The following ARMC9 variants were observed in gnomAD, a reference collection of about 807,000 sequenced individuals.
ARMC9 encodes armadillo repeat containing 9.
Under a neutral mutation model 107.0 loss-of-function variants are expected in ARMC9, and 94 were observed. The observed-to-expected ratio is 0.88, with a 90% CI of 0.74 to 1.04. The LOEUF (loss-of-function observed/expected upper bound fraction) is 1.04, where lower values mean the gene tolerates loss of function less well. Among genes scored for constraint, ARMC9 ranks in the 50% least tolerant of loss-of-function variants. ARMC9 has a pLI of 0.00. For missense variants in ARMC9, 942 were observed against 1,030.1 expected (o/e 0.91, Z 1.17); for synonymous variants, 380 against 396.9 (o/e 0.96, Z 0.51).
chr2:231,323,428 C>T (rs550065965), intron 19 of ARMC9, among the ~76,000 whole-genome samples: 58 of 152,312 alleles, frequency 3.8e-4, no homozygotes, highest in Non-Finnish European at 7.5e-4. Flanking sequence ...CATTTCCCAC[C>T]GCAGGTAGTG....
intron 20 of ARMC9, among the ~76,000 whole-genome samples, chr2:231,341,830 TA>T (rs766614226): frequency 1.3e-4 from 20 of 152,238 alleles, no homozygotes; most frequent in Non-Finnish European, 2.6e-4. Flanking sequence ...TTCAGCTAAA[TA>T]ATATGCTCTT....
intron 14 of ARMC9, among the ~76,000 whole-genome samples, chr2:231,273,710 C>T (rs1290039324): frequency 2.0e-5 from 3 of 152,296 alleles, no homozygotes; most frequent in African/African-American, 4.8e-5. Flanking sequence ...TCACCGCACC[C>T]GGCCCCGTAG....
intron 12 of ARMC9, chr2:231,270,404 C>T (rs551761097): frequency 2.9e-5 from 10 of 348,714 alleles, no homozygotes; most frequent in African/African-American, 6.4e-5. Context: ...TTAATTCATT[C>T]GTCTTTATTT....
chr2:231,257,769 A>G (rs9679430), intron 10 of ARMC9, among the ~76,000 whole-genome samples: 79,142 of 151,986 alleles, frequency 0.52, 24,130 homozygotes, highest in African/African-American at 0.85. Context: ...AGCATTTGGC[A>G]TAATACTGTA....
In ARMC9 at chr2:231,360,769, A is replaced by C; in HGVS notation, c.2147A>C (p.Lys716Thr). The change falls in exon 23 of 25, where the codon AAG becomes ACG. Residue 716 changes from lysine to threonine, a missense_variant. Lys to Thr is a moderately conservative substitution (Grantham distance 78). Coordinates refer to ENST00000611582, the MANE Select transcript of ARMC9 (RefSeq NM_001352754.2). The surrounding 1 kb of genome is among the most constrained non-coding windows in gnomAD (Gnocchi z 4.7). ...TCCTCCCCAGCAGCCATCATCGCCA[A>C]GCCAGGAGAGTGGCTCCCAAGAGGA... The part of the protein sequence containing the change: ...CVSSSSAIIA[K>T]PGEWLPRGRQ... 1 of 1,536,182 alleles carries C rather than the reference A, an allele frequency of 6.5e-7. No homozygotes were observed. The highest frequency in any genetic ancestry group is 1.2e-5 in the South Asian group (1 of 84,062).
intron 8 of ARMC9, among the ~76,000 whole-genome samples, chr2:231,235,976 G>A (rs933293412): frequency 9.2e-5 from 14 of 152,242 alleles, no homozygotes; most frequent in African/African-American, 2.9e-4. Flanking sequence ...ATATTGAGAC[G>A]GGGTCTTGCT....
chr2:231,338,990 T>A (rs1386172676), intron 20 of ARMC9, among the ~76,000 whole-genome samples: 1 of 152,222 alleles, frequency 6.6e-6, no homozygotes, highest in Non-Finnish European at 1.5e-5. Flanking sequence ...TGTTTTGGCC[T>A]CACATTTAGT....
In ARMC9 at chr2:231,360,954, CA is replaced by C; in HGVS notation, c.2261+72del. The C allele has an allele frequency of 6.9e-7, 1 of 1,454,294 alleles. No individual in the cohort carries two copies. The highest frequency in any genetic ancestry group is 9.0e-7 in the Non-Finnish European group (1 of 1,109,778). 90.1% of individuals were successfully genotyped at this position (1,454,294 alleles called of 1,614,324 possible). On this transcript the variant is annotated intron_variant, in intron 23 of 24. Coordinates refer to ENST00000611582, the MANE Select transcript of ARMC9 (RefSeq NM_001352754.2). This position sits in a 1 kb window ranked among gnomAD's most constrained non-coding sequence, Gnocchi z 4.7. ...GGGAGTGGGCGCCCCACGCCGGATG[CA>C]GAGCACCCAGGAGACCTGGAAGGCT...
chr2:231,342,726 A>T (rs926589535), intron 20 of ARMC9, among the ~76,000 whole-genome samples: 11 of 152,050 alleles, frequency 7.2e-5, no homozygotes, highest in African/African-American at 2.7e-4. Context: ...TTGCAGTGAA[A>T]ATATCCTGCC....
chr2:231,287,625 C>T (rs545429698), intron 17 of ARMC9, among the ~76,000 whole-genome samples: 80 of 152,232 alleles, frequency 5.3e-4, no homozygotes, highest in African/African-American at 1.9e-3. Context: ...TCAAGCGATT[C>T]TCCTGCCTCA....
chr2:231,280,812 A>G (rs1262021118), intron 16 of ARMC9, among the ~76,000 whole-genome samples: 1 of 152,246 alleles, frequency 6.6e-6, no homozygotes, highest in Non-Finnish European at 1.5e-5. Context: ...GAAAAGAAGG[A>G]TAAAGGATAT....
chr2:231,212,509 G>C (rs555457584), intron 3 of ARMC9, among the ~76,000 whole-genome samples: 1 of 151,570 alleles, frequency 6.6e-6, no homozygotes, highest in East Asian at 1.9e-4. Context: ...AAGCCATAAC[G>C]TTTCACAAGA....
rs946322310 is a variant in ARMC9 at position 231,372,527 on chromosome 2, C to G, written c.*992C>G. 1 of 152,352 alleles carries G rather than the reference C, an allele frequency of 6.6e-6. No homozygotes were observed. Among genetic ancestry groups the G allele is most frequent in the East Asian group, 1.9e-4 (1 of 5,204 alleles). 9.4% of individuals were successfully genotyped at this position (152,352 alleles called of 1,614,324 possible). ...GGACCATAAACATAAACAGCTCTAC[C>G]AGCAAAGTGACCCATCCCGCGGGGG... On this transcript the variant is annotated 3_prime_UTR_variant, in exon 25 of 25. Transcript: ENST00000611582.
At chr2:231,346,131 GTTTATT>G (rs1015784677) in intron 21 of ARMC9, among the ~76,000 whole-genome samples, 1 of 152,172 alleles carries the variant, frequency 6.6e-6, no homozygotes, top group Non-Finnish European at 1.5e-5. Context: ...ATTTCTAGGT[GTTTATT>G]TTTAGTTACT....
chr2:231,304,620 C>T (rs989264594), intron 19 of ARMC9, among the ~76,000 whole-genome samples: 1 of 152,210 alleles, frequency 6.6e-6, no homozygotes, highest in African/African-American at 2.4e-5. Context: ...TGATCTTGAA[C>T]TCCTGACCTC....
chr2:231,315,924 T>C (rs1156395949), intron 19 of ARMC9, among the ~76,000 whole-genome samples: 1 of 152,242 alleles, frequency 6.6e-6, no homozygotes, highest in East Asian at 1.9e-4. Flanking sequence ...TAGCCGTATT[T>C]GCCTTTTTGT....
chr2:231,203,758 G>A (rs2031484523), intron 1 of ARMC9, among the ~76,000 whole-genome samples: 1 of 152,116 alleles, frequency 6.6e-6, no homozygotes, highest in African/African-American at 2.4e-5. Flanking sequence ...TCAGGAGTTC[G>A]AGACCAGCCT....
At chr2:231,202,451 T>C (rs2031208470) in intron 1 of ARMC9, among the ~76,000 whole-genome samples, 1 of 151,656 alleles carries the variant, frequency 6.6e-6, no homozygotes, top group South Asian at 2.1e-4. Flanking sequence ...TCCTCCCCAG[T>C]AGCTGGGATT....
At chr2:231,306,330 A>G (rs1459738212) in intron 19 of ARMC9, among the ~76,000 whole-genome samples, 2 of 152,204 alleles carry the variant, frequency 1.3e-5, no homozygotes, top group Non-Finnish European at 2.9e-5. Flanking sequence ...CTTCAAATCT[A>G]ATTTAAATAC....
Sources: gnomAD v4.1 joint callset for allele counts (sites outside exome capture counted in the v4.1 genomes callset) on GRCh38, gnomAD v4.1.1 for gene constraint, Gnocchi (gnomAD v3.1) non-coding constraint, MANE v1.5 for transcripts, NCBI Gene and HGNC (gene_info 2026-07-23, HGNC 2026-07-21) for gene names.